Variants in TMED10 observed in about 807,000 individuals in gnomAD.
TMED10 encodes transmembrane emp24 domain-containing protein 10.
A neutral mutation model predicts 23.1 loss-of-function variants in TMED10; 7 were observed. The observed-to-expected ratio is 0.30, with a 90% CI of 0.17 to 0.57. The LOEUF is 0.57. Ranked by LOEUF, TMED10 falls within the 20% of genes least tolerant of loss-of-function variation. TMED10 has a pLI of 0.91. For synonymous variants in TMED10, 113 were observed against 106.9 expected (o/e 1.06, Z -0.35); for missense variants, 162 against 274.8 (o/e 0.59, Z 2.90).
At chr14:75,165,592 G>A (rs1896150759) in intron 1 of TMED10, among the ~76,000 whole-genome samples, 1 of 152,140 alleles carries the variant, frequency 6.6e-6, no homozygotes, top group South Asian at 2.1e-4. Context: ...GACGGCTTAG[G>A]TGCTACATTT....
intron 2 of TMED10, among the ~76,000 whole-genome samples, chr14:75,148,180 C>T (rs987822283): frequency 1.3e-5 from 2 of 152,088 alleles, no homozygotes; most frequent in African/African-American, 4.8e-5. Flanking sequence ...AAAGGTTGCC[C>T]TGTCAAATTT....
At chr14:75,145,162 G>A (rs1193400013) in intron 3 of TMED10, among the ~76,000 whole-genome samples, 1 of 152,194 alleles carries the variant, frequency 6.6e-6, no homozygotes, top group African/African-American at 2.4e-5. Context: ...GCAGAACCTT[G>A]GAGCTGTGTT....
intron 1 of TMED10, among the ~76,000 whole-genome samples, chr14:75,153,992 G>A (rs777636913): frequency 1.3e-5 from 2 of 150,842 alleles, no homozygotes; most frequent in Admixed American, 6.6e-5. Context: ...GGATGGTCTC[G>A]ATCTCCTGAC....
At chr14:75,164,570 TATATA>T (rs1896135005) in intron 1 of TMED10, among the ~76,000 whole-genome samples, 1 of 2,922 alleles carries the variant, frequency 3.4e-4, no homozygotes, top group African/African-American at 9.7e-4. Context: ...TATATATATA[TATATA>T]TATTTTTTTT....
At chr14:75,175,300 A>G (rs1156348648) in intron 1 of TMED10, among the ~76,000 whole-genome samples, 1 of 152,172 alleles carries the variant, frequency 6.6e-6, no homozygotes, top group African/African-American at 2.4e-5. Context: ...GTATTTACAT[A>G]AAAGAGCCAA....
intron 1 of TMED10, among the ~76,000 whole-genome samples, chr14:75,173,791 C>T (rs1896265895): frequency 6.6e-6 from 1 of 152,190 alleles, no homozygotes; most frequent in Admixed American, 6.6e-5. Flanking sequence ...AGTGCAGTGG[C>T]ACGGTGTCAG....
At chr14:75,165,133 G>T (rs187307062) in intron 1 of TMED10, among the ~76,000 whole-genome samples, 130 of 152,232 alleles carry the variant, frequency 8.5e-4, no homozygotes, top group African/African-American at 3.1e-3. Flanking sequence ...GAGCCAAAGG[G>T]TCTATTCCCC....
At chr14:75,147,420 C>T in intron 3 of TMED10, 1 of 525,086 alleles carries the variant, frequency 1.9e-6, no homozygotes, top group Non-Finnish European at 3.5e-6. Context: ...TATCGAACTC[C>T]TGACCTCAGG....
chr14:75,164,561 ATATATATATATATATATTTTTTT>A (rs1430288128), intron 1 of TMED10, among the ~76,000 whole-genome samples: 188 of 14,376 alleles, frequency 0.013, 10 homozygotes, highest in African/African-American at 0.033. Flanking sequence ...ATATATATAT[ATATATATATATATATATTTTTTT>A]TTTTTTTTTT....
At chr14:75,156,832 G>A (rs1483531798) in intron 1 of TMED10, among the ~76,000 whole-genome samples, 1 of 151,694 alleles carries the variant, frequency 6.6e-6, no homozygotes, top group Non-Finnish European at 1.5e-5. Flanking sequence ...GGGAGGCTGA[G>A]GCAGGAGAAT....
chr14:75,156,763 T>C (rs538773315), intron 1 of TMED10, among the ~76,000 whole-genome samples: 231 of 152,068 alleles, frequency 1.5e-3, no homozygotes, highest in African/African-American at 5.3e-3. Context: ...ACCCCGTCTC[T>C]ACTAAAAATA....
chr14:75,154,599 A>G (rs1895999648), intron 1 of TMED10, among the ~76,000 whole-genome samples: 1 of 152,070 alleles, frequency 6.6e-6, no homozygotes, highest in Non-Finnish European at 1.5e-5. Flanking sequence ...AATAAACAGT[A>G]GTATTAGTCA....
intron 1 of TMED10, among the ~76,000 whole-genome samples, chr14:75,175,184 T>C (rs555566514): frequency 5.9e-5 from 9 of 151,674 alleles, no homozygotes; most frequent in East Asian, 1.9e-4. Flanking sequence ...CTGACAGATA[T>C]CAAATTATAT....
At chr14:75,169,406 G>A (rs1355567826) in intron 1 of TMED10, among the ~76,000 whole-genome samples, 1 of 152,212 alleles carries the variant, frequency 6.6e-6, no homozygotes, top group Non-Finnish European at 1.5e-5. Flanking sequence ...GCTCACGCCT[G>A]TAATCCCAGC....
At chr14:75,164,546 TATATATATATATATATATATATATATA>T (rs1395814981) in intron 1 of TMED10, among the ~76,000 whole-genome samples, 1,153 of 33,562 alleles carry the variant, frequency 0.034, 122 homozygotes, top group East Asian at 0.046. Flanking sequence ...TATATATATA[TATATATATATATATATATATATATATA>T]TATATTTTTT....
intron 1 of TMED10, 99 bp downstream of exon 1, chr14:75,176,246 GGCCAGAACAA>G: frequency 7.3e-7 from 1 of 1,375,772 alleles, no homozygotes; most frequent in Non-Finnish European, 1.0e-6. Context: ...GCTCCCGGGA[GGCCAGAACAA>G]CTCCCAGGCC....
chr14:75,136,958 T>C (rs985593170), intron 3 of TMED10: 1 of 151,896 alleles, frequency 6.6e-6, no homozygotes. Flanking sequence ...TTTTTTCTTA[T>C]CAGTCTTAGA....
chr14:75,164,135 A>G (rs1450875753), intron 1 of TMED10, among the ~76,000 whole-genome samples: 1 of 151,154 alleles, frequency 6.6e-6, no homozygotes, highest in African/African-American at 2.4e-5. Flanking sequence ...GCACTATCTC[A>G]GCTCCCTGCA....
chr14:75,137,663 A>G (rs1397867256), intron 3 of TMED10, among the ~76,000 whole-genome samples: 1 of 146,650 alleles, frequency 6.8e-6, no homozygotes. Context: ...TGACAGAGCG[A>G]GACTCCATCT....
Sources: allele counts gnomAD v4.1 joint callset (sites outside exome capture counted in the v4.1 genomes callset), GRCh38; gene constraint gnomAD v4.1.1; transcripts MANE v1.5; gene names NCBI Gene and HGNC (gene_info 2026-07-23, HGNC 2026-07-21).